MAGI2: variants seen among roughly 807,000 people sequenced by gnomAD.
MAGI2 encodes the protein membrane-associated guanylate kinase, WW and PDZ domain-containing protein 2.
MAGI2 carries 35 observed loss-of-function variants against 133.3 expected under a neutral mutation model. The ratio of observed to expected loss-of-function variants is 0.26; its 90% confidence interval spans 0.20 to 0.35. The LOEUF (loss-of-function observed/expected upper bound fraction) is 0.35. Ranked by LOEUF, MAGI2 falls within the 10% of genes least tolerant of loss-of-function variation. The pLI, the probability that MAGI2 is intolerant of heterozygous loss-of-function variation, is 1.00. For synonymous variants in MAGI2, 729 were observed against 710.6 expected, an observed-to-expected ratio of 1.03 and a Z score of -0.41; for missense variants, 1,636 against 1,863.4, an observed-to-expected ratio of 0.88 and a Z score of 2.25.
At chr7:79,149,052 A>T (rs1166231172) in intron 1 of MAGI2, among the ~76,000 whole-genome samples, 1 of 143,764 alleles carries the variant, frequency 7.0e-6, no homozygotes, top group Non-Finnish European at 1.5e-5. Context: ...ATATATATAT[A>T]ATATAATATA....
intron 4 of MAGI2, among the ~76,000 whole-genome samples, chr7:78,507,889 T>C (rs1035551930): frequency 3.9e-5 from 6 of 152,316 alleles, no homozygotes; most frequent in Admixed American, 2.0e-4. Flanking sequence ...AGGGCTGCCA[T>C]AATTAAACAC....
At chr7:78,814,945 C>T (rs992541636) in intron 2 of MAGI2, among the ~76,000 whole-genome samples, 5 of 152,080 alleles carry the variant, frequency 3.3e-5, no homozygotes, top group African/African-American at 7.2e-5. Flanking sequence ...ACAGGCTGGT[C>T]GTGAAGTCCT....
chr7:78,204,892 G>A (rs4727631), intron 10 of MAGI2, among the ~76,000 whole-genome samples: 83,120 of 151,770 alleles, frequency 0.55, 22,930 homozygotes, highest in Non-Finnish European at 0.57. Flanking sequence ...AAATAGATGC[G>A]TTTTAATATA....
chr7:78,529,386 CA>C (rs1408631622), intron 3 of MAGI2, among the ~76,000 whole-genome samples: 4 of 152,180 alleles, frequency 2.6e-5, no homozygotes, highest in Admixed American at 2.6e-4. Context: ...TAGCTCAGAA[CA>C]TTTCCCACCT....
intron 3 of MAGI2, among the ~76,000 whole-genome samples, chr7:78,612,779 C>T (rs776727706): frequency 3.9e-5 from 6 of 152,066 alleles, no homozygotes; most frequent in Non-Finnish European, 7.4e-5. Context: ...ATGCCATTCT[C>T]CTGCCTCAGC....
chr7:78,045,122 G>A (rs574630522), intron 21 of MAGI2, among the ~76,000 whole-genome samples: 99 of 152,200 alleles, frequency 6.5e-4, no homozygotes, highest in Non-Finnish European at 9.9e-4. Context: ...AGCCGAGATC[G>A]CACCACTGAA....
At chr7:78,250,295 C>T (rs1234268144) in intron 10 of MAGI2, among the ~76,000 whole-genome samples, 1 of 151,772 alleles carries the variant, frequency 6.6e-6, no homozygotes, top group Non-Finnish European at 1.5e-5. Flanking sequence ...TTCTAAGTAA[C>T]CTATAGGTCA....
intron 2 of MAGI2, among the ~76,000 whole-genome samples, chr7:78,839,697 C>G (rs1161888240): frequency 2.6e-5 from 4 of 152,000 alleles, no homozygotes; most frequent in African/African-American, 9.7e-5. Flanking sequence ...GGAGAACAGC[C>G]TGGGGGAAAT....
At chr7:78,363,216 G>T (rs970659280) in intron 7 of MAGI2, among the ~76,000 whole-genome samples, 1 of 152,144 alleles carries the variant, frequency 6.6e-6, no homozygotes, top group Non-Finnish European at 1.5e-5. Context: ...TGAGGAGGCC[G>T]GCCGCGGTGG....
chr7:79,317,019 C>CT (rs58130248), intron 1 of MAGI2, among the ~76,000 whole-genome samples: 1,781 of 101,654 alleles, frequency 0.018, 18 homozygotes, highest in Non-Finnish European at 0.026. Flanking sequence ...TTTTCTTTTT[C>CT]TTTTTTTTTT....
chr7:78,697,895 G>GA (rs1208251967), intron 2 of MAGI2, among the ~76,000 whole-genome samples: 1 of 151,810 alleles, frequency 6.6e-6, no homozygotes, highest in Non-Finnish European at 1.5e-5. Flanking sequence ...TCCAGCTATA[G>GA]AAAAAAAGTA....
intron 2 of MAGI2, among the ~76,000 whole-genome samples, chr7:78,671,313 G>A (rs1814364577): frequency 6.7e-6 from 1 of 149,870 alleles, no homozygotes; most frequent in African/African-American, 2.5e-5. Flanking sequence ...CCAGTAACTT[G>A]GTTTTCTTCC....
intron 2 of MAGI2, among the ~76,000 whole-genome samples, chr7:78,926,367 C>A (rs946092934): frequency 4.6e-5 from 7 of 151,990 alleles, no homozygotes; most frequent in African/African-American, 1.7e-4. Context: ...GATCTTCCTC[C>A]TGAGTTCAAA....
At chr7:79,202,850 T>G (rs1828730373) in intron 1 of MAGI2, among the ~76,000 whole-genome samples, 1 of 152,034 alleles carries the variant, frequency 6.6e-6, no homozygotes, top group South Asian at 2.1e-4. Flanking sequence ...ATCTATAAGC[T>G]GATAATTGTC....
chr7:78,570,799 CTTTGT>C (rs963500499), intron 3 of MAGI2, among the ~76,000 whole-genome samples: 2 of 152,048 alleles, frequency 1.3e-5, no homozygotes, highest in Non-Finnish European at 2.9e-5. Context: ...TTCTGTGCTT[CTTTGT>C]TTTGATTTCA....
intron 21 of MAGI2, among the ~76,000 whole-genome samples, chr7:78,048,021 T>A (rs1315388842): frequency 1.3e-5 from 2 of 152,228 alleles, no homozygotes; most frequent in Non-Finnish European, 1.5e-5. Flanking sequence ...TAGGATTGTG[T>A]TGGCTTTGCC....
At chr7:78,189,661 A>C (rs1273675408) in intron 12 of MAGI2, among the ~76,000 whole-genome samples, 1 of 152,222 alleles carries the variant, frequency 6.6e-6, no homozygotes, top group African/African-American at 2.4e-5. Flanking sequence ...CTTGGGTTTA[A>C]ACCAAGGGAC....
chr7:78,369,029 G>A, intron 7 of MAGI2, 127 bp downstream of exon 7: 1 of 603,354 alleles, frequency 1.7e-6, no homozygotes, highest in South Asian at 2.9e-5. Context: ...GCTAGTCTTG[G>A]TGGATACTTC....
At position 79,110,315 on chromosome 7, in the gene MAGI2, G is replaced by A. The variant is rs145918477; in HGVS notation, c.302-103109C>T. On this transcript the variant is annotated intron_variant, in intron 1 of 21. Transcript: ENST00000354212. Reference sequence around the variant, plus strand: ...GTTGTGAGAAGAGGGTGGTGGGGCTGAACCCTACAAAGCCACAGAGGCAGA... The same window carrying A: ...GTTGTGAGAAGAGGGTGGTGGGGCTAAACCCTACAAAGCCACAGAGGCAGA... Among the ~76,000 whole-genome samples the A allele has an allele frequency of 1.8e-3, 278 of 152,306 alleles. 3 individuals carry two copies. Among genetic ancestry groups the A allele is most frequent in the African/African-American group, 6.3e-3 (262 of 41,580 alleles).
Sources: gnomAD v4.1 joint callset for allele counts (sites outside exome capture counted in the v4.1 genomes callset) on GRCh38, gnomAD v4.1.1 for gene constraint, MANE v1.5 for transcripts, NCBI Gene and HGNC (gene_info 2026-07-23, HGNC 2026-07-21) for gene names.